The following DHRSX variants were observed in gnomAD, a reference collection of about 807,000 sequenced individuals.
DHRSX encodes the protein dehydrogenase/reductase X-linked.
Under a neutral mutation model 34.0 loss-of-function variants are expected in DHRSX, and 31 were observed. The observed-to-expected ratio is 0.91, with a 90% CI of 0.69 to 1.23. The LOEUF is 1.23. Among genes scored for constraint, DHRSX ranks in the 50% most tolerant of loss-of-function variants. The pLI, the probability that DHRSX is intolerant of heterozygous loss-of-function variation, is 0.00. For synonymous variants in DHRSX, 201 were observed against 183.8 expected (o/e 1.09, Z -0.76); for missense variants, 414 against 428.1 (o/e 0.97, Z 0.29).
chrX:2,442,023 G>A (rs1363036948), intron 1 of DHRSX, among the ~76,000 whole-genome samples: 2 of 152,176 alleles, frequency 1.3e-5, no homozygotes, highest in Non-Finnish European at 2.9e-5. Context: ...GCAGTGAGCT[G>A]AGATCATGCC....
chrX:2,361,672 C>T (rs1411777867), intron 3 of DHRSX, among the ~76,000 whole-genome samples: 8 of 152,254 alleles, frequency 5.3e-5, no homozygotes, highest in Admixed American at 2.0e-4. Flanking sequence ...GTTAATGTGT[C>T]GTTTCTGAGC....
chrX:2,299,996 T>C (rs1041884642), intron 3 of DHRSX, among the ~76,000 whole-genome samples: 2 of 152,182 alleles, frequency 1.3e-5, no homozygotes, highest in Non-Finnish European at 2.9e-5. Context: ...GAGGCATGTG[T>C]TGATAAATAG....
intron 1 of DHRSX, among the ~76,000 whole-genome samples, chrX:2,457,559 A>C (rs1352339729): frequency 6.6e-6 from 1 of 152,110 alleles, no homozygotes; most frequent in East Asian, 1.9e-4. Flanking sequence ...TAAACACTGA[A>C]GACGTTCCCT....
At chrX:2,248,285 T>G (rs35364028) in intron 5 of DHRSX, among the ~76,000 whole-genome samples, 1 of 151,358 alleles carries the variant, frequency 6.6e-6, no homozygotes, top group Non-Finnish European at 1.5e-5. Context: ...TACAAAAAAT[T>G]AACTGGGTGT....
intron 1 of DHRSX, chrX:2,489,916 G>A (rs763379330): frequency 1.9e-6 from 3 of 1,613,754 alleles, no homozygotes; most frequent in Non-Finnish European, 2.5e-6. Flanking sequence ...CATAGTTGGT[G>A]GTGGCCCCGA....
At chrX:2,355,306 G>A (rs908219755) in intron 3 of DHRSX, among the ~76,000 whole-genome samples, 1 of 152,090 alleles carries the variant, frequency 6.6e-6, no homozygotes, top group Non-Finnish European at 1.5e-5. Context: ...GAGCTCAGGA[G>A]TTTGAGACTA....
chrX:2,375,849 T>A (rs1192829969), intron 3 of DHRSX, among the ~76,000 whole-genome samples: 1 of 136,460 alleles, frequency 7.3e-6, no homozygotes, highest in Non-Finnish European at 1.7e-5. Context: ...GCCAAGCTGG[T>A]CTCGATCTCC....
chrX:2,358,423 C>A (rs1018627257), intron 3 of DHRSX, among the ~76,000 whole-genome samples: 4 of 152,102 alleles, frequency 2.6e-5, no homozygotes, highest in African/African-American at 7.2e-5. Flanking sequence ...GCTGGCCGGG[C>A]GCGGTGGCTC....
chrX:2,308,398 C>A lies in DHRSX; in HGVS notation c.287-16795G>T, dbSNP rs150788787. ...AAACAACTGTTCGACAATTGTTCGA[C>A]AATTGTTTTAACAATTGTTCAACAA... On this transcript the variant is annotated intron_variant, in intron 3 of 6. Transcript: ENST00000334651. 1.7e-3 allele frequency among the ~76,000 whole-genome samples: 261 copies of A among 151,504 alleles called. 4 individuals are homozygous for A. In the East Asian group the frequency reaches 0.034, roughly 20 times the overall value.
At chrX:2,474,613 G>A (rs913199566) in intron 1 of DHRSX, among the ~76,000 whole-genome samples, 23 of 146,984 alleles carry the variant, frequency 1.6e-4, no homozygotes, top group Non-Finnish European at 2.9e-4. Context: ...CTAAGGGACG[G>A]CGGCCATCTA....
chrX:2,265,541 G>A (rs1355760125), intron 5 of DHRSX, among the ~76,000 whole-genome samples: 2 of 134,992 alleles, frequency 1.5e-5, no homozygotes, highest in East Asian at 4.7e-4. Flanking sequence ...AGGGAGCACT[G>A]TCCCCAGAGC....
intron 3 of DHRSX, among the ~76,000 whole-genome samples, chrX:2,392,818 G>A: frequency 1.9e-5 from 1 of 53,904 alleles, no homozygotes; most frequent in Non-Finnish European, 3.5e-5. Context: ...TATTTATAAT[G>A]ACACAAATAT....
At chrX:2,489,298 G>A in intron 1 of DHRSX, 1 of 1,613,960 alleles carries the variant, frequency 6.2e-7, no homozygotes, top group Non-Finnish European at 8.5e-7. Flanking sequence ...GGGGGTCCAG[G>A]AAGGTGGCCA....
chrX:2,375,755 C>A (rs1263757980), intron 3 of DHRSX, among the ~76,000 whole-genome samples: 5 of 136,326 alleles, frequency 3.7e-5, no homozygotes, highest in African/African-American at 9.9e-5. Flanking sequence ...GCCTCAGCCT[C>A]CTCAGTAGCT....
rs777153252 is a variant in DHRSX, at chrX:2,249,899, C to T, written c.597-6669G>A. ...AAACCTTGGGCCAGGCATGGTGGCT[C>T]ACGTCTGTAATCCCAGGACTTTGGG... On this transcript the variant is annotated intron_variant, in intron 5 of 6. Transcript: ENST00000334651. Among the ~76,000 whole-genome samples the T allele has an allele frequency of 3.9e-5, 6 of 151,962 alleles. 1 individual carries two copies. The highest frequency in any genetic ancestry group is 1.4e-4 in the African/African-American group (6 of 41,498).
chrX:2,462,682 T>C lies in DHRSX; in HGVS notation c.110-37378A>G, dbSNP rs187257056. Reference sequence around the variant, plus strand: ...GCTTCCCCAGGTACTGCAAACCACCTATATTTTGCCATGACCAGGAATTTT... The same window carrying C: ...GCTTCCCCAGGTACTGCAAACCACCCATATTTTGCCATGACCAGGAATTTT... On this transcript the variant is annotated intron_variant, in intron 1 of 6. Coordinates refer to ENST00000334651, the MANE Select transcript of DHRSX (RefSeq NM_145177.3). Among the ~76,000 whole-genome samples the C allele has an allele frequency of 2.5e-3, 386 of 152,256 alleles. 4 individuals are homozygous for C. Among genetic ancestry groups the C allele is most frequent in the African/African-American group, 8.6e-3 (356 of 41,562 alleles).
intron 3 of DHRSX, among the ~76,000 whole-genome samples, chrX:2,311,630 G>A (rs1463817016): frequency 6.6e-6 from 1 of 152,170 alleles, no homozygotes. Flanking sequence ...GGCTTTCGAA[G>A]ACAAGGCACT....
chrX:2,386,333 C>T (rs2043272193), intron 3 of DHRSX, among the ~76,000 whole-genome samples: 1 of 152,114 alleles, frequency 6.6e-6, no homozygotes, highest in Non-Finnish European at 1.5e-5. Flanking sequence ...ATTCTCCTGC[C>T]TCAGCCTCCC....
intron 3 of DHRSX, among the ~76,000 whole-genome samples, chrX:2,310,541 T>C (rs1161922196): frequency 2.0e-5 from 3 of 150,276 alleles, no homozygotes; most frequent in Non-Finnish European, 4.4e-5. Flanking sequence ...TGTGTGTGTG[T>C]ATATGTGTGT....
Sources: gnomAD v4.1 joint callset for allele counts (sites outside exome capture counted in the v4.1 genomes callset) on GRCh38, gnomAD v4.1.1 for gene constraint, MANE v1.5 for transcripts, NCBI Gene and HGNC (gene_info 2026-07-23, HGNC 2026-07-21) for gene names.